NIN: variants seen among roughly 807,000 people sequenced by gnomAD.
The protein encoded by NIN is glycogen synthase kinase 3 beta-interacting protein.
In NIN, 137 loss-of-function variants were observed where a neutral mutation model predicts 257.6. The observed-to-expected ratio is 0.53, with a 90% CI of 0.46 to 0.61. The LOEUF (loss-of-function observed/expected upper bound fraction) is 0.61, where lower values mean the gene tolerates loss of function less well. Among genes scored for constraint, NIN ranks in the 20% least tolerant of loss-of-function variants. The pLI is 0.00. For missense variants in NIN, 2,439 were observed against 2,501.2 expected (o/e 0.98, Z 0.53); for synonymous variants, 918 against 919.8 (o/e 1.00, Z 0.04).
chr14:50,732,451 C>T (rs575005224), intron 28 of NIN, among the ~76,000 whole-genome samples: 13 of 152,202 alleles, frequency 8.5e-5, no homozygotes, highest in South Asian at 6.2e-4. Context: ...CAATTTGTAG[C>T]GCTGGAGAGG....
intron 3 of NIN, among the ~76,000 whole-genome samples, chr14:50,813,091 T>C (rs1028925683): frequency 7.9e-5 from 12 of 152,330 alleles, no homozygotes; most frequent in African/African-American, 2.2e-4. Context: ...TGAATACTGA[T>C]GTGGTGGAAA....
At chr14:50,809,284 AC>A (rs1443889922) in intron 3 of NIN, among the ~76,000 whole-genome samples, 1 of 152,162 alleles carries the variant, frequency 6.6e-6, no homozygotes, top group Admixed American at 6.5e-5. Flanking sequence ...CATGAGAGTG[AC>A]CAAGATAGCC....
intron 4 of NIN, among the ~76,000 whole-genome samples, chr14:50,796,708 T>G (rs1358906141): frequency 1.3e-5 from 2 of 152,182 alleles, no homozygotes; most frequent in African/African-American, 4.8e-5. Context: ...ATAAGCCAGC[T>G]GCAGCCAGGG....
At chr14:50,753,132 G>C (rs1365742694) in intron 20 of NIN, among the ~76,000 whole-genome samples, 1 of 152,174 alleles carries the variant, frequency 6.6e-6, no homozygotes, top group Non-Finnish European at 1.5e-5. Flanking sequence ...GGGCACGGTG[G>C]CTCACGCCTG....
chr14:50,756,808 C>T lies in NIN; in HGVS notation c.4222G>A (p.Glu1408Lys), dbSNP rs1566810291. 6.4e-7 allele frequency: 1 copy of T among 1,551,666 alleles called. No homozygotes were observed. Among genetic ancestry groups the T allele is most frequent in the Admixed American group, 2.0e-5 (1 of 51,000 alleles). ...TQLLEKVKAHEIAWLHGTIQT... is the reference protein window; with the variant it reads ...TQLLEKVKAHKIAWLHGTIQT... ...ATTGTTCCATGTAACCAGGCAATTT[C>T]ATGTGCTTTTACTTTTTCCAAGAGC... Residue 1408 changes from glutamate to lysine, a missense_variant, in exon 18 of 31, where the codon GAA (glutamate) becomes AAA (lysine). Glu to Lys is a moderately conservative substitution (Grantham distance 56). Coordinates refer to ENST00000530997, the MANE Select transcript of NIN (RefSeq NM_020921.4).
chr14:50,734,328 G>A (rs1033326609), intron 28 of NIN, among the ~76,000 whole-genome samples: 1 of 152,070 alleles, frequency 6.6e-6, no homozygotes, highest in East Asian at 1.9e-4. Context: ...CTGACCTCAG[G>A]TGATCCACCT....
Position 50,757,034 on chromosome 14 carries a change from A to G in NIN, c.3996T>C (p.Ile1332=). Residue 1332 remains isoleucine, a synonymous_variant, in exon 18 of 31, where the codon ATT becomes ATC. Coordinates refer to ENST00000530997, the MANE Select transcript of NIN (RefSeq NM_020921.4). ...GGACCACGCTTTCCTGAAGCTTCTC[A>G]ATCTTGCCTTGAAGTCTCAAAACCA... ...NVLVLRLQGK[I]EKLQESVVQR... is the part of the protein sequence containing the mutation. 6.2e-7 allele frequency: 1 copy of G among 1,613,306 alleles called. No individual in the cohort carries two copies. The highest frequency in any genetic ancestry group is 8.5e-7 in the Non-Finnish European group (1 of 1,179,754).
intron 15 of NIN, among the ~76,000 whole-genome samples, chr14:50,762,962 T>C (rs1213151079): frequency 1.3e-5 from 2 of 152,162 alleles, no homozygotes; most frequent in African/African-American, 4.8e-5. Context: ...TGGCCATCTA[T>C]GGAAAAGTCC....
chr14:50,801,613 C>A (rs1055651636), intron 4 of NIN, among the ~76,000 whole-genome samples: 2 of 152,216 alleles, frequency 1.3e-5, no homozygotes, highest in Non-Finnish European at 2.9e-5. Context: ...AAACACAAAT[C>A]TTCAATCACT....
At chr14:50,807,261 T>G (rs534186601) in intron 3 of NIN, among the ~76,000 whole-genome samples, 2 of 152,346 alleles carry the variant, frequency 1.3e-5, no homozygotes, top group Admixed American at 1.3e-4. Context: ...CTTTTGAGGA[T>G]GACTTGAATA....
intron 3 of NIN, among the ~76,000 whole-genome samples, chr14:50,809,246 G>C (rs1392000279): frequency 6.6e-6 from 1 of 151,934 alleles, no homozygotes; most frequent in East Asian, 1.9e-4. Context: ...AAAGAATCAG[G>C]GTCATATTTT....
At chr14:50,759,180 C>G (rs938842056) in intron 17 of NIN, among the ~76,000 whole-genome samples, 1 of 152,140 alleles carries the variant, frequency 6.6e-6, no homozygotes, top group Non-Finnish European at 1.5e-5. Flanking sequence ...TTTCTTAACT[C>G]TGGGAGGAAA....
chr14:50,773,039 A>G lies in NIN; in HGVS notation c.723T>C (p.Asp241=). Residue 241 remains aspartate, a synonymous_variant, in exon 8 of 31, where the codon GAT becomes GAC. Coordinates refer to ENST00000530997, the MANE Select transcript of NIN (RefSeq NM_020921.4). ...LDPDGTMSVE[D]FFYGLFKNGK... is the part of the protein sequence containing the mutation. Reference sequence around the variant, plus strand: ...CATTTTTAAACAAACCATAGAAAAAATCTTCTACACTCATTGTACCGTCAG... The same window carrying G: ...CATTTTTAAACAAACCATAGAAAAAGTCTTCTACACTCATTGTACCGTCAG... The G allele has an allele frequency of 4.3e-6, 7 of 1,613,146 alleles. No individual in the cohort carries two copies. The highest frequency in any genetic ancestry group is 5.9e-6 in the Non-Finnish European group (7 of 1,179,176).
chr14:50,829,321 T>C (rs2045597056), intron 2 of NIN, among the ~76,000 whole-genome samples: 1 of 152,176 alleles, frequency 6.6e-6, no homozygotes, highest in Admixed American at 6.5e-5. Context: ...GCCACCTATA[T>C]AATATGCTCA....
At chr14:50,730,440 C>T (rs1202593696) in intron 28 of NIN, among the ~76,000 whole-genome samples, 1 of 152,144 alleles carries the variant, frequency 6.6e-6, no homozygotes, top group African/African-American at 2.4e-5. Context: ...GGCCACCTCA[C>T]ATCTATACAC....
intron 4 of NIN, among the ~76,000 whole-genome samples, chr14:50,798,755 T>G (rs2043952757): frequency 6.6e-6 from 1 of 152,228 alleles, no homozygotes; most frequent in African/African-American, 2.4e-5. Flanking sequence ...CTACATTTAG[T>G]GTGATGCACA....
chr14:50,746,612 T>A (rs1349608066), intron 22 of NIN, among the ~76,000 whole-genome samples: 2 of 152,210 alleles, frequency 1.3e-5, no homozygotes, highest in African/African-American at 4.8e-5. Flanking sequence ...AGACAGATGT[T>A]AAGAATGAAA....
In NIN at chr14:50,784,096, A is replaced by T. The variant is rs575229531; in HGVS notation, c.436-5292T>A. Among the ~76,000 whole-genome samples, 314 of 152,274 alleles carry T rather than the reference A, an allele frequency of 2.1e-3. 2 individuals are homozygous for T. Among genetic ancestry groups the T allele is most frequent in the African/African-American group, 6.6e-3 (274 of 41,562 alleles). On this transcript the variant is annotated intron_variant, in intron 5 of 30. Transcript: ENST00000530997. Reference sequence around the variant, plus strand: ...ATAAACATAAAACTCATCCTGTGGGACTTCAGATTCTCCCTACTCTGGAGG... The same window carrying T: ...ATAAACATAAAACTCATCCTGTGGGTCTTCAGATTCTCCCTACTCTGGAGG...
intron 26 of NIN, 26 bp from the exon 27 acceptor site, chr14:50,738,312 A>T: frequency 1.2e-6 from 2 of 1,605,444 alleles, no homozygotes; most frequent in South Asian, 1.1e-5. Flanking sequence ...GTAAGAGGAA[A>T]AAATGCTAAT....
Sources: gnomAD v4.1 joint callset for allele counts (sites outside exome capture counted in the v4.1 genomes callset) on GRCh38, gnomAD v4.1.1 for gene constraint, MANE v1.5 for transcripts, NCBI Gene and HGNC (gene_info 2026-07-23, HGNC 2026-07-21) for gene names.